FAM110A: variants seen among roughly 807,000 people sequenced by gnomAD.
The protein encoded by FAM110A is protein FAM110A.
In FAM110A, 1 loss-of-function variant was observed where a neutral mutation model predicts 4.0. That is an observed-to-expected ratio of 0.25 (90% confidence interval 0.09 to 1.20). The LOEUF (loss-of-function observed/expected upper bound fraction) is 1.20. Ranked by LOEUF, FAM110A falls within the 50% of genes most tolerant of loss-of-function variation. FAM110A has a pLI of 0.50. For missense variants in FAM110A, 436 were observed against 429.2 expected (o/e 1.02, Z -0.14); for synonymous variants, 217 against 196.8 (o/e 1.10, Z -0.86).
intron 1 of FAM110A, among the ~76,000 whole-genome samples, chr20:835,190 C>CTATA (rs1342613466): frequency 1.6e-4 from 20 of 125,860 alleles, no homozygotes; most frequent in African/African-American, 6.1e-4. Flanking sequence ...CTCTCTCTCT[C>CTATA]TCTCTCTCTC....
Position 840,047 on chromosome 20 carries a change from A to T in FAM110A, c.-97-4661A>T. On this transcript the variant is annotated intron_variant, in intron 1 of 1. Coordinates refer to ENST00000381941, the MANE Select transcript of FAM110A (RefSeq NM_001042353.3). This position sits in a 1 kb window ranked among gnomAD's most constrained non-coding sequence, Gnocchi z 4.4. ...TGTTCTTTTCTTTGCTATTACGAAA[A>T]TCATTATTGTTGCTTTGCTGTTACT... 2.4e-6 allele frequency: 2 copies of T among 829,502 alleles called. No individual in the cohort carries two copies. The highest frequency in any genetic ancestry group is 4.0e-6 in the Non-Finnish European group (2 of 502,224). 51.4% of individuals were successfully genotyped at this position (829,502 alleles called of 1,614,324 possible). A position where few individuals can be genotyped will look rare whatever the true frequency, so the allele number is the denominator to read the frequency against.
Position 844,906 on chromosome 20 carries a change from TGGTGGAGCCCGGAAACCGAGCGC to T in FAM110A, c.103_125del (p.Gly35CysfsTer36). The T allele has an allele frequency of 6.4e-7, 1 of 1,564,466 alleles. No homozygotes were observed. The highest frequency in any genetic ancestry group is 8.7e-7 in the Non-Finnish European group (1 of 1,155,792). The stretch of plus-strand genomic sequence containing the variant: ...GCTACCTGCTACGGGGGCCGGCAGA[TGGTGGAGCCCGGAAACCGAGCGC>T]TGTGGAGCGCCTGGAGGCCGACAAG... On this transcript the variant is annotated frameshift_variant, in exon 2 of 2. Coordinates refer to ENST00000381941, the MANE Select transcript of FAM110A (RefSeq NM_001042353.3). LOFTEE classifies it high-confidence loss of function.
chr20:845,317 C>T lies in FAM110A; in HGVS notation c.513C>T (p.Gly171=). The T allele has an allele frequency of 6.4e-7, 1 of 1,554,088 alleles. No homozygotes were observed. The highest frequency in any genetic ancestry group is 8.7e-7 in the Non-Finnish European group (1 of 1,149,798). The change falls in exon 2 of 2, where the codon GGC becomes GGT. Residue 171 remains glycine, a synonymous_variant. Transcript: ENST00000381941. ...CTGCCCGGCCCTGCCCATCACCCGGCCCTGCCGCCGCCTCCAGCCCAGCCC... is the reference window on the plus strand; with the variant it reads ...CTGCCCGGCCCTGCCCATCACCCGGTCCTGCCGCCGCCTCCAGCCCAGCCC... ...ASPARPCPSP[G]PAAASSPARP... is the part of the protein sequence containing the mutation.
At position 834,816 on chromosome 20, in the gene FAM110A, A is replaced by G. The variant is rs1306358422; in HGVS notation, c.-98+865A>G. Among the ~76,000 whole-genome samples, 1 of 152,142 alleles carries G rather than the reference A, an allele frequency of 6.6e-6. No homozygotes were observed. The highest frequency in any genetic ancestry group is 6.5e-5 in the Admixed American group (1 of 15,268). On this transcript the variant is annotated intron_variant, in intron 1 of 1. Coordinates refer to ENST00000381941, the MANE Select transcript of FAM110A (RefSeq NM_001042353.3). This position sits in a 1 kb window ranked among gnomAD's most constrained non-coding sequence, Gnocchi z 5.6. ...AGAGTCTTCAATCTCTTCATAAGGGAGTTACATATCCTCTCTCCTCTGGAG... is the reference window on the plus strand; with the variant it reads ...AGAGTCTTCAATCTCTTCATAAGGGGGTTACATATCCTCTCTCCTCTGGAG...
chr20:842,066 T>C (rs1367371713), intron 1 of FAM110A, among the ~76,000 whole-genome samples: 2 of 152,368 alleles, frequency 1.3e-5, no homozygotes, highest in East Asian at 1.9e-4. Flanking sequence ...GCCCTCGACC[T>C]GTTTGATCTC....
Position 845,653 on chromosome 20 carries a change from G to A in FAM110A, c.849G>A (p.Gly283=). The change falls in exon 2 of 2, where the codon GGG becomes GGA. Residue 283 remains glycine (G), a synonymous_variant. Coordinates refer to ENST00000381941, the MANE Select transcript of FAM110A (RefSeq NM_001042353.3). ...RNARVIKWLY[G]LRQARESPAA... ...CCCGCGTGATCAAGTGGTTGTATGG[G>A]CTAAGGCAGGCTCGGGAGAGCCCAG... The A allele has an allele frequency of 6.2e-7, 1 of 1,614,154 alleles. No individual in the cohort carries two copies. Among genetic ancestry groups the A allele is most frequent in the Non-Finnish European group, 8.5e-7 (1 of 1,180,046 alleles).
At position 840,266 on chromosome 20, in the gene FAM110A, C is replaced by T. The variant is rs959030585; in HGVS notation, c.-97-4442C>T. 6.6e-6 allele frequency among the ~76,000 whole-genome samples: 1 copy of T among 152,124 alleles called. No individual in the cohort carries two copies. Among genetic ancestry groups the T allele is most frequent in the African/African-American group, 2.4e-5 (1 of 41,404 alleles). ...GTGCATCACTGCCGGTCTCCTCATG[C>T]CCTGTACCCTAGTCCTGGCCCAGCT... On this transcript the variant is annotated intron_variant, in intron 1 of 1. Transcript: ENST00000381941. This position sits in a 1 kb window ranked among gnomAD's most constrained non-coding sequence, Gnocchi z 4.4.
Position 845,942 on chromosome 20 carries a change from T to C in FAM110A, c.*250T>C. ...CTCCCCCAATACAAGGTTTTTGACATGAGTGTACTCCTGCTTAGTTCCTCT... is the reference window on the plus strand; with the variant it reads ...CTCCCCCAATACAAGGTTTTTGACACGAGTGTACTCCTGCTTAGTTCCTCT... On this transcript the variant is annotated 3_prime_UTR_variant, in exon 2 of 2. Coordinates refer to ENST00000381941, the MANE Select transcript of FAM110A (RefSeq NM_001042353.3). The C allele has an allele frequency of 2.9e-6, 2 of 689,336 alleles. No individual in the cohort carries two copies. The highest frequency in any genetic ancestry group is 4.8e-6 in the Non-Finnish European group (2 of 420,770). The allele number at this position is 689,336 out of a possible 1,614,324, so 42.7% of individuals were successfully genotyped here.
intron 1 of FAM110A, among the ~76,000 whole-genome samples, chr20:837,151 C>T (rs1307766116): frequency 6.8e-6 from 1 of 146,788 alleles, no homozygotes; most frequent in East Asian, 2.1e-4. Context: ...GTCCCGGGTT[C>T]AAATGATTCT....
In FAM110A at chr20:845,163, C is replaced by A; in HGVS notation, c.359C>A (p.Pro120His). Residue 120 changes from proline to histidine, a missense_variant, in exon 2 of 2, where the codon CCT (proline) becomes CAT (histidine). Pro to His is a moderately conservative substitution (Grantham distance 77). Transcript: ENST00000381941. The stretch of plus-strand genomic sequence containing the variant: ...GACTTGTGTGACAGCCCCGTGTCCC[C>A]TGCCGAGGCCAGCCGCACTCCTGGA... ...LIDLCDSPVSPAEASRTPGRA... is the reference protein window; with the variant it reads ...LIDLCDSPVSHAEASRTPGRA... 1 of 1,571,582 alleles carries A rather than the reference C, an allele frequency of 6.4e-7. No homozygotes were observed. Among genetic ancestry groups the A allele is most frequent in the Non-Finnish European group, 8.6e-7 (1 of 1,162,810 alleles).
At chr20:837,449 A>T (rs776147890) in intron 1 of FAM110A, among the ~76,000 whole-genome samples, 3 of 152,122 alleles carry the variant, frequency 2.0e-5, no homozygotes, top group Non-Finnish European at 4.4e-5. Flanking sequence ...CTCCCTCAGG[A>T]GCTGGGCACT....
chr20:844,611 T>G, intron 1 of FAM110A, 97 bp from the exon 2 acceptor site: 3 of 824,306 alleles, frequency 3.6e-6, no homozygotes, highest in Non-Finnish European at 5.0e-6. Context: ...GTCTCTACCT[T>G]ATAATAGGGA....
At chr20:838,112 C>T (rs1277668899) in intron 1 of FAM110A, among the ~76,000 whole-genome samples, 1 of 152,076 alleles carries the variant, frequency 6.6e-6, no homozygotes, top group African/African-American at 2.4e-5. Flanking sequence ...ATTGCTTCAG[C>T]CCATCTATTT....
rs1350859449 is a variant in FAM110A, at chr20:840,124, G to A, written c.-97-4584G>A. 1.7e-5 allele frequency: 11 copies of A among 641,390 alleles called. No homozygotes were observed. The highest frequency in any genetic ancestry group is 5.1e-5 in the Admixed American group (2 of 39,440). 39.7% of individuals were successfully genotyped at this position (641,390 alleles called of 1,614,324 possible). ...CTCCCCATCCCCCATTTCTGCCTCC[G>A]TGGAGGGCTAGGCAGGGCTCAGCAG... On this transcript the variant is annotated intron_variant, in intron 1 of 1. Transcript: ENST00000381941. This position sits in a 1 kb window ranked among gnomAD's most constrained non-coding sequence, Gnocchi z 4.4.
chr20:838,655 CAGAG>C, intron 1 of FAM110A, among the ~76,000 whole-genome samples: 1 of 152,144 alleles, frequency 6.6e-6, no homozygotes, highest in East Asian at 1.9e-4. Context: ...AGGTTCCAGA[CAGAG>C]AACAGCTGGT....
intron 1 of FAM110A, among the ~76,000 whole-genome samples, chr20:844,496 C>G (rs914169823): frequency 6.6e-6 from 1 of 151,560 alleles, no homozygotes; most frequent in African/African-American, 2.4e-5. Flanking sequence ...TTGGTCTCAG[C>G]TGGGCCTGGT....
At chr20:835,358 T>C (rs1393168458) in intron 1 of FAM110A, among the ~76,000 whole-genome samples, 1 of 152,104 alleles carries the variant, frequency 6.6e-6, no homozygotes, top group African/African-American at 2.4e-5. Context: ...AGTAAGTTTC[T>C]TCAGTCTCTG....
chr20:836,341 A>G (rs977925698), intron 1 of FAM110A, among the ~76,000 whole-genome samples: 1 of 152,144 alleles, frequency 6.6e-6, no homozygotes, highest in Non-Finnish European at 1.5e-5. Flanking sequence ...GTTCAGTGGC[A>G]TTAAGTACAT....
At chr20:838,676 G>T (rs1253016662) in intron 1 of FAM110A, among the ~76,000 whole-genome samples, 1 of 152,196 alleles carries the variant, frequency 6.6e-6, no homozygotes, top group Non-Finnish European at 1.5e-5. Flanking sequence ...TGGTGCAAAA[G>T]CCCTGAGGCA....
Sources: allele counts gnomAD v4.1 joint callset (sites outside exome capture counted in the v4.1 genomes callset), GRCh38; gene constraint gnomAD v4.1.1; non-coding constraint Gnocchi (gnomAD v3.1); transcripts MANE v1.5; gene names NCBI Gene and HGNC (gene_info 2026-07-23, HGNC 2026-07-21).